Variants in SAP130 observed in about 807,000 individuals in gnomAD.
SAP130 encodes the protein Sin3A associated protein 130, also known as histone deacetylase complex subunit SAP130.
SAP130 carries 16 observed loss-of-function variants against 103.2 expected under a neutral mutation model. The ratio of observed to expected loss-of-function variants is 0.16; its 90% CI spans 0.10 to 0.24. SAP130 has a LOEUF of 0.24. SAP130 is among the 10% of genes least tolerant of loss of function. The probability of loss-of-function intolerance (pLI) is 1.00; values close to 1 mark genes in which losing one functional copy is unlikely to be tolerated. For synonymous variants in SAP130, 477 were observed against 497.0 expected, an observed-to-expected ratio of 0.96 and a Z score of 0.53; for missense variants, 990 against 1,359.7, an observed-to-expected ratio of 0.73 and a Z score of 4.28.
chr2:128,014,294 A>T (rs976346984), intron 5 of SAP130, among the ~76,000 whole-genome samples: 1 of 151,646 alleles, frequency 6.6e-6, no homozygotes, highest in African/African-American at 2.4e-5. Flanking sequence ...GCGCAATCTC[A>T]ACTCATTTCA....
Position 127,948,601 on chromosome 2 carries a change from C to CA in SAP130, c.2797+1267dup, listed in dbSNP as rs560775052. ...CAGTGATCCGCCCGCCTCGGCCTCA[C>CA]AAAGTGCTGGGATTACAGGCGTGAA... On this transcript the variant is annotated intron_variant, in intron 18 of 20. Transcript: ENST00000643581. 1.1e-4 allele frequency among the ~76,000 whole-genome samples: 17 copies of CA among 152,140 alleles called. No individual in the cohort carries two copies. In the Middle Eastern group the frequency reaches 0.01, roughly 91 times the overall value.
intron 7 of SAP130, among the ~76,000 whole-genome samples, chr2:128,008,985 A>C (rs1684190654): frequency 6.6e-6 from 1 of 152,056 alleles, no homozygotes. Flanking sequence ...ATATCTTGCC[A>C]TCACAATCTT....
At chr2:127,979,940 C>T (rs1286010352) in intron 14 of SAP130, among the ~76,000 whole-genome samples, 6 of 150,826 alleles carry the variant, frequency 4.0e-5, no homozygotes, top group South Asian at 2.1e-4. Flanking sequence ...TGTGGTGGCA[C>T]GATCTCAGCT....
intron 15 of SAP130, among the ~76,000 whole-genome samples, chr2:127,960,801 C>G (rs1247227412): frequency 6.6e-6 from 1 of 152,068 alleles, no homozygotes; most frequent in African/African-American, 2.4e-5. Context: ...TTATTTTGTG[C>G]ATACTTAAAA....
At chr2:127,971,533 C>T (rs1384982318) in intron 15 of SAP130, among the ~76,000 whole-genome samples, 2 of 152,180 alleles carry the variant, frequency 1.3e-5, no homozygotes, top group South Asian at 2.1e-4. Flanking sequence ...GTGATCTACC[C>T]GCCTTGGCCT....
At chr2:127,979,981 G>C (rs940733273) in intron 14 of SAP130, among the ~76,000 whole-genome samples, 1 of 151,558 alleles carries the variant, frequency 6.6e-6, no homozygotes, top group African/African-American at 2.4e-5. Context: ...GGGTTCAAGT[G>C]ATTCTCCCGC....
intron 1 of SAP130, among the ~76,000 whole-genome samples, chr2:128,027,688 G>GCCACGCCC (rs1228096968): frequency 9.8e-6 from 1 of 102,336 alleles, no homozygotes; most frequent in Non-Finnish European, 1.9e-5. Context: ...GCCCACGTCC[G>GCCACGCCC]CCACGCCCCC....
At chr2:127,966,080 C>T (rs1680634187) in intron 15 of SAP130, among the ~76,000 whole-genome samples, 1 of 152,170 alleles carries the variant, frequency 6.6e-6, no homozygotes. Context: ...TGGTGGCTCA[C>T]GTCTGTAACC....
At chr2:128,024,941 G>A (rs1685402779) in intron 2 of SAP130, among the ~76,000 whole-genome samples, 1 of 148,110 alleles carries the variant, frequency 6.8e-6, no homozygotes, top group Non-Finnish European at 1.5e-5. Flanking sequence ...GATCGAGGCT[G>A]CAGTGAGCTG....
At chr2:128,008,664 C>G (rs2105149491) in intron 7 of SAP130, among the ~76,000 whole-genome samples, 1 of 151,648 alleles carries the variant, frequency 6.6e-6, no homozygotes. Flanking sequence ...AGCCACTGCA[C>G]CTAGCCTAAA....
chr2:127,983,820 G>GTTTTT (rs1455013059), intron 14 of SAP130, among the ~76,000 whole-genome samples: 4 of 112,352 alleles, frequency 3.6e-5, no homozygotes, highest in African/African-American at 1.5e-4. Context: ...CTATTACTTT[G>GTTTTT]TTGTTTTTTT....
At chr2:127,946,958 T>TG (rs1456441153) in intron 18 of SAP130, among the ~76,000 whole-genome samples, 1 of 144,498 alleles carries the variant, frequency 6.9e-6, no homozygotes, top group Non-Finnish European at 1.5e-5. Context: ...ATCCAATGAC[T>TG]GGTGTCCATA....
intron 15 of SAP130, among the ~76,000 whole-genome samples, chr2:127,958,197 G>A (rs1049602162): frequency 1.7e-4 from 26 of 152,204 alleles, no homozygotes; most frequent in South Asian, 1.7e-3. Flanking sequence ...GGAGGATCAC[G>A]AGGTCAGGAG....
At chr2:127,963,051 GACTT>G (rs1680372595) in intron 15 of SAP130, among the ~76,000 whole-genome samples, 1 of 151,382 alleles carries the variant, frequency 6.6e-6, no homozygotes, top group South Asian at 2.1e-4. Context: ...TTTTCTACTG[GACTT>G]ACTTCTTTAT....
At chr2:127,943,171 A>C (rs1678826208) in intron 19 of SAP130, among the ~76,000 whole-genome samples, 1 of 152,182 alleles carries the variant, frequency 6.6e-6, no homozygotes, top group African/African-American at 2.4e-5. Context: ...GATTTCTGCT[A>C]AGTCAGAAGT....
chr2:127,986,755 G>A lies in SAP130; in HGVS notation c.1958+30C>T, dbSNP rs34467505. The A allele has an allele frequency of 7.5e-3, 11,988 of 1,603,748 alleles. 65 individuals carry two copies. Among genetic ancestry groups the A allele is most frequent in the Non-Finnish European group, 9.3e-3 (10,915 of 1,172,072 alleles). ...ATACCAGTTATATCCAGAACCAGAGGTGTCATTCGGCACTACCAGGTCTAC... is the reference window on the plus strand; with the variant it reads ...ATACCAGTTATATCCAGAACCAGAGATGTCATTCGGCACTACCAGGTCTAC... On this transcript the variant is annotated intron_variant, in intron 14 of 20. Transcript: ENST00000643581. This position sits in a 1 kb window ranked among gnomAD's most constrained non-coding sequence, Gnocchi z 4.7.
At chr2:128,017,164 A>G (rs1224731452) in intron 3 of SAP130, among the ~76,000 whole-genome samples, 3 of 152,184 alleles carry the variant, frequency 2.0e-5, no homozygotes, top group Admixed American at 1.3e-4. Flanking sequence ...TCTACTAAAA[A>G]TACAAAAATT....
At chr2:128,009,962 C>T (rs1270670989) in intron 7 of SAP130, among the ~76,000 whole-genome samples, 1 of 152,130 alleles carries the variant, frequency 6.6e-6, no homozygotes, top group African/African-American at 2.4e-5. Context: ...TTACATGAAA[C>T]TGTAAGTCCC....
chr2:127,971,569 G>T (rs559414690), intron 15 of SAP130, among the ~76,000 whole-genome samples: 54 of 152,356 alleles, frequency 3.5e-4, no homozygotes, highest in African/African-American at 1.3e-3. Flanking sequence ...TTACAGGCAT[G>T]AGCCACCGTG....
Sources: allele counts gnomAD v4.1 joint callset (sites outside exome capture counted in the v4.1 genomes callset), GRCh38; gene constraint gnomAD v4.1.1; non-coding constraint Gnocchi (gnomAD v3.1); transcripts MANE v1.5; gene names NCBI Gene and HGNC (gene_info 2026-07-23, HGNC 2026-07-21).